The following CTNNA2 variants were observed in gnomAD, a reference collection of about 807,000 sequenced individuals.
CTNNA2 encodes catenin alpha-2.
In CTNNA2, 42 loss-of-function variants were observed where a neutral mutation model predicts 101.0. The observed-to-expected ratio is 0.42, with a 90% CI of 0.32 to 0.54. The LOEUF (loss-of-function observed/expected upper bound fraction) is 0.54, where lower values mean the gene tolerates loss of function less well. Ranked by LOEUF, CTNNA2 falls within the 20% of genes least tolerant of loss-of-function variation. CTNNA2 has a pLI of 0.14. For missense variants in CTNNA2, 871 were observed against 1,223.1 expected, an observed-to-expected ratio of 0.71 and a Z score of 4.29; for synonymous variants, 450 against 456.4, an observed-to-expected ratio of 0.99 and a Z score of 0.18.
chr2:79,720,256 C>G (rs181727555), intron 2 of CTNNA2, among the ~76,000 whole-genome samples: 1 of 152,172 alleles, frequency 6.6e-6, no homozygotes, highest in Admixed American at 6.5e-5. Flanking sequence ...GTCAATGTGT[C>G]TGTTTTTGTA....
At chr2:80,387,615 G>T (rs563327283) in intron 7 of CTNNA2, among the ~76,000 whole-genome samples, 1 of 152,252 alleles carries the variant, frequency 6.6e-6, no homozygotes, top group East Asian at 1.9e-4. Flanking sequence ...TTCTGTTAAT[G>T]GCTTAATCCT....
rs1180994444 is a variant in CTNNA2, at chr2:79,282,379, GTA to G, written c.-405-30326_-405-30325del. Among the ~76,000 whole-genome samples, 19 of 151,990 alleles carry G rather than the reference GTA, an allele frequency of 1.3e-4. 1 individual carries two copies. The highest frequency in any genetic ancestry group is 1.2e-3 in the Admixed American group (19 of 15,256). On this transcript the variant is annotated intron_variant, in intron 2 of 21. Transcript: ENST00000466387. ...CCACTAACTCATCATCTAGCATTAG[GTA>G]TATCTCCCAGTGCTATCCCTCCCCG...
At chr2:80,243,860 C>T (rs879368787) in intron 7 of CTNNA2, among the ~76,000 whole-genome samples, 2 of 152,076 alleles carry the variant, frequency 1.3e-5, no homozygotes, top group Non-Finnish European at 1.5e-5. Context: ...ACAACCAAAC[C>T]CTTTTCCAAA....
intron 4 of CTNNA2, among the ~76,000 whole-genome samples, chr2:79,477,266 G>A (rs1007613177): frequency 2.7e-5 from 4 of 150,092 alleles, no homozygotes; most frequent in Non-Finnish European, 5.9e-5. Context: ...TGCCTCCAAG[G>A]TTCTCATGAT....
chr2:79,964,392 C>T (rs531379075), intron 7 of CTNNA2, among the ~76,000 whole-genome samples: 106 of 151,620 alleles, frequency 7.0e-4, no homozygotes, highest in African/African-American at 2.4e-3. Flanking sequence ...GGAGAGCCAA[C>T]ATTCAAATAT....
At chr2:80,529,676 C>T (rs1690356166) in intron 9 of CTNNA2, among the ~76,000 whole-genome samples, 1 of 152,158 alleles carries the variant, frequency 6.6e-6, no homozygotes, top group Non-Finnish European at 1.5e-5. Context: ...AATAACGAAA[C>T]AGCCAGCCTC....
At chr2:79,976,448 C>G (rs964199898) in intron 7 of CTNNA2, among the ~76,000 whole-genome samples, 1 of 152,126 alleles carries the variant, frequency 6.6e-6, no homozygotes, top group East Asian at 1.9e-4. Flanking sequence ...TGTCTCCATT[C>G]GAGAGCACTT....
intron 7 of CTNNA2, among the ~76,000 whole-genome samples, chr2:80,037,308 A>G (rs888324487): frequency 6.6e-6 from 1 of 152,194 alleles, no homozygotes; most frequent in Non-Finnish European, 1.5e-5. Context: ...TTTTCTCATT[A>G]GAAAGTTCTT....
At chr2:79,806,858 C>G (rs1676620253) in intron 3 of CTNNA2, among the ~76,000 whole-genome samples, 1 of 152,004 alleles carries the variant, frequency 6.6e-6, no homozygotes, top group African/African-American at 2.4e-5. Flanking sequence ...AATAGAGACT[C>G]AGTAAAGGTC....
At chr2:79,508,458 G>A (rs1048829257), upstream of CTNNA2, among the ~76,000 whole-genome samples, 4 of 151,872 alleles carry the variant, frequency 2.6e-5, no homozygotes, top group South Asian at 8.3e-4. Context: ...AATCTATTAG[G>A]GAACCTGAAG....
chr2:80,634,142 T>C lies in CTNNA2; in HGVS notation c.2575-13443T>C, dbSNP rs1573523583. Among the ~76,000 whole-genome samples the C allele has an allele frequency of 2.0e-5, 3 of 152,218 alleles. No individual in the cohort carries two copies. The South Asian group carries it at 6.2e-4, about 32-fold the overall frequency. On this transcript the variant is annotated intron_variant, in intron 18 of 18. Transcript: ENST00000402739. ...GGCAAATATTTATGGAGGACTCATA[T>C]GCTAGGCACTGTTTTAGATGTTTGG...
At chr2:80,537,582 CTGT>C (rs1208153216) in intron 9 of CTNNA2, among the ~76,000 whole-genome samples, 1 of 151,318 alleles carries the variant, frequency 6.6e-6, no homozygotes, top group East Asian at 1.9e-4. Flanking sequence ...TCGCAAGCAT[CTGT>C]TGTTTCCTGA....
intron 3 of CTNNA2, among the ~76,000 whole-genome samples, chr2:79,793,137 A>C (rs1428838325): frequency 6.6e-6 from 1 of 152,214 alleles, no homozygotes; most frequent in Non-Finnish European, 1.5e-5. Context: ...TTGAAATGGA[A>C]GGTGATGAAG....
rs12619738 is a variant in CTNNA2 at position 79,280,937 on chromosome 2, T to C, written c.-405-31772T>C. 3.0e-3 allele frequency among the ~76,000 whole-genome samples: 456 copies of C among 152,078 alleles called. 9 individuals carry two copies. The East Asian group carries it at 0.07, about 23-fold the overall frequency. On this transcript the variant is annotated intron_variant, in intron 2 of 21. Transcript: ENST00000466387. ...AAGCCTGATGGGATCACTTTGAAGC[T>C]CTGTTTGCACTCTACATCTCCCCTG...
At chr2:79,748,981 G>A (rs1337537611) in intron 3 of CTNNA2, among the ~76,000 whole-genome samples, 2 of 152,108 alleles carry the variant, frequency 1.3e-5, no homozygotes, top group Admixed American at 6.5e-5. Flanking sequence ...TTACTGGGGG[G>A]CTTACCTACG....
chr2:80,133,635 G>GAA (rs1208557868), intron 7 of CTNNA2, among the ~76,000 whole-genome samples: 1 of 152,082 alleles, frequency 6.6e-6, no homozygotes, highest in African/African-American at 2.4e-5. Flanking sequence ...CATGTGTATA[G>GAA]AAAAAAATTG....
chr2:79,812,724 C>G (rs1677148711), intron 3 of CTNNA2, among the ~76,000 whole-genome samples: 1 of 152,074 alleles, frequency 6.6e-6, no homozygotes, highest in South Asian at 2.1e-4. Flanking sequence ...AAATGCTGTA[C>G]TTTGTCACCC....
chr2:80,550,882 G>A (rs535899255), intron 11 of CTNNA2, among the ~76,000 whole-genome samples: 1 of 152,262 alleles, frequency 6.6e-6, no homozygotes, highest in African/African-American at 2.4e-5. Context: ...AATCAATCAT[G>A]GATGTTCTTA....
At chr2:79,286,618 G>T (rs1319608922) in intron 2 of CTNNA2, among the ~76,000 whole-genome samples, 1 of 152,188 alleles carries the variant, frequency 6.6e-6, no homozygotes, top group African/African-American at 2.4e-5. Context: ...TCTGCCGAGA[G>T]ATCTGCTGTT....
Sources: gnomAD v4.1 joint callset for allele counts (sites outside exome capture counted in the v4.1 genomes callset) on GRCh38, gnomAD v4.1.1 for gene constraint, MANE v1.5 for transcripts, NCBI Gene and HGNC (gene_info 2026-07-23, HGNC 2026-07-21) for gene names.